Variants in NFAM1 observed in about 807,000 individuals in gnomAD.
The protein encoded by NFAM1 is NFAT activating protein with ITAM motif 1.
In NFAM1, 17 loss-of-function variants were observed where a neutral mutation model predicts 29.0. The ratio of observed to expected loss-of-function variants is 0.59; its 90% CI spans 0.40 to 0.88. The LOEUF (loss-of-function observed/expected upper bound fraction) is 0.88. Among genes scored for constraint, NFAM1 ranks in the 40% least tolerant of loss-of-function variants. The pLI is 0.00. For synonymous variants in NFAM1, 175 were observed against 147.2 expected (o/e 1.19, Z -1.36); for missense variants, 324 against 344.6 (o/e 0.94, Z 0.47).
At chr22:42,407,720 C>A (rs1193254982) in intron 3 of NFAM1, among the ~76,000 whole-genome samples, 1 of 151,984 alleles carries the variant, frequency 6.6e-6, no homozygotes, top group Non-Finnish European at 1.5e-5. Flanking sequence ...TTCCAAGTAG[C>A]CCAGGACCAC....
chr22:42,420,077 C>T (rs1930397597), intron 1 of NFAM1, among the ~76,000 whole-genome samples: 1 of 135,660 alleles, frequency 7.4e-6, no homozygotes, highest in African/African-American at 2.7e-5. Context: ...ATGGCACGAT[C>T]TCGGCTCACT....
upstream of NFAM1, among the ~76,000 whole-genome samples, chr22:42,435,815 CTTTTT>C (rs890914167): frequency 3.2e-5 from 3 of 94,248 alleles, no homozygotes; most frequent in African/African-American, 1.7e-4. Flanking sequence ...TTTTCTTCTT[CTTTTT>C]TTTTTTTTTT....
At chr22:42,416,154 C>A (rs1038815696) in intron 1 of NFAM1, among the ~76,000 whole-genome samples, 1 of 152,206 alleles carries the variant, frequency 6.6e-6, no homozygotes, top group African/African-American at 2.4e-5. Flanking sequence ...CGATCCTAGG[C>A]GGCAACTATT....
chr22:42,412,784 C>T (rs879557), intron 1 of NFAM1, among the ~76,000 whole-genome samples: 11,043 of 152,176 alleles, frequency 0.073, 1,138 homozygotes, highest in African/African-American at 0.23. Context: ...AGGTTTTTTA[C>T]AGTATAACAG....
chr22:42,411,326 C>G, intron 2 of NFAM1, 81 bp downstream of exon 2: 1 of 1,146,494 alleles, frequency 8.7e-7, no homozygotes, highest in Non-Finnish European at 1.3e-6. Flanking sequence ...GCCCCATTCT[C>G]TATTTCCGAT....
chr22:42,399,400 T>C (rs1209895895), intron 3 of NFAM1, among the ~76,000 whole-genome samples: 25 of 134,690 alleles, frequency 1.9e-4, no homozygotes, highest in Non-Finnish European at 2.5e-4. Flanking sequence ...TAAATCGAGA[T>C]CACACCATTG....
At chr22:42,426,483 C>T (rs959425827) in intron 1 of NFAM1, among the ~76,000 whole-genome samples, 5 of 152,204 alleles carry the variant, frequency 3.3e-5, no homozygotes, top group Non-Finnish European at 7.4e-5. Flanking sequence ...AGACCCTCAG[C>T]AGCCAAGCAC....
At position 42,388,462 on chromosome 22, in the gene NFAM1, G is replaced by C. The variant is rs903892639; in HGVS notation, c.664-1384C>G. Among the ~76,000 whole-genome samples the C allele has an allele frequency of 5.9e-5, 9 of 152,152 alleles. No individual in the cohort carries two copies. Among genetic ancestry groups the C allele is most frequent in the Non-Finnish European group, 1.2e-4 (8 of 68,030 alleles). On this transcript the variant is annotated intron_variant, in intron 4 of 5. Coordinates refer to ENST00000329021, the MANE Select transcript of NFAM1 (RefSeq NM_145912.8). The surrounding 1 kb of genome is among the most constrained non-coding windows in gnomAD (Gnocchi z 4.1). ...CCAGACCCTCCCTCAGAACCTGTTGGACTCCGGAGCAGAGCCCACCAACAG... is the reference window on the plus strand; with the variant it reads ...CCAGACCCTCCCTCAGAACCTGTTGCACTCCGGAGCAGAGCCCACCAACAG...
chr22:42,435,476 T>C (rs1183893986), upstream of NFAM1, among the ~76,000 whole-genome samples: 1 of 151,698 alleles, frequency 6.6e-6, no homozygotes, highest in Non-Finnish European at 1.5e-5. Flanking sequence ...GCCTCCCGAG[T>C]AGCTGGGATT....
chr22:42,392,691 C>T (rs1380978285), intron 4 of NFAM1, among the ~76,000 whole-genome samples: 7 of 152,018 alleles, frequency 4.6e-5, no homozygotes, highest in African/African-American at 4.8e-5. Flanking sequence ...AGTAGCAGAC[C>T]CAGTAAGCAA....
intron 4 of NFAM1, among the ~76,000 whole-genome samples, chr22:42,394,395 A>G (rs1929450815): frequency 6.6e-6 from 1 of 151,534 alleles, no homozygotes; most frequent in Admixed American, 6.6e-5. Flanking sequence ...GGGTCTTGCT[A>G]TGTTGCCAAG....
At chr22:42,398,144 C>T (rs1929595555) in intron 3 of NFAM1, among the ~76,000 whole-genome samples, 188 bp from the exon 4 acceptor site, 1 of 152,240 alleles carries the variant, frequency 6.6e-6, no homozygotes, top group Non-Finnish European at 1.5e-5. Flanking sequence ...GCCATTCCTG[C>T]ACCTGGAGAC....
Position 42,385,166 on chromosome 22 carries a change from G to T in NFAM1, c.808C>A (p.Leu270Ile). 1 of 1,612,724 alleles carries T rather than the reference G, an allele frequency of 6.2e-7. No homozygotes were observed. Among genetic ancestry groups the T allele is most frequent in the Non-Finnish European group, 8.5e-7 (1 of 1,178,740 alleles). ...TATGAGCGGTGGAGCCCATCCTAGAGATTTTCATAGACCAGGTTAAGTTCG... is the reference window on the plus strand; with the variant it reads ...TATGAGCGGTGGAGCCCATCCTAGATATTTTCATAGACCAGGTTAAGTTCG... ...DGELNLVYEN[L>I] The change falls in exon 6 of 6, where the codon CTC becomes ATC. Residue 270 changes from leucine to isoleucine, a missense_variant. Transcript: ENST00000329021.
intron 4 of NFAM1, among the ~76,000 whole-genome samples, chr22:42,393,214 GA>G (rs1569226407): frequency 6.6e-6 from 1 of 151,946 alleles, no homozygotes; most frequent in Admixed American, 6.6e-5. Context: ...CATACTGGCA[GA>G]TTTTAACTAA....
intron 1 of NFAM1, among the ~76,000 whole-genome samples, chr22:42,416,083 A>G (rs186151083): frequency 6.6e-6 from 1 of 152,294 alleles, no homozygotes; most frequent in East Asian, 1.9e-4. Context: ...GAAAAGAAAA[A>G]TTACAGGAAT....
At chr22:42,414,641 GC>G (rs1353207405) in intron 1 of NFAM1, among the ~76,000 whole-genome samples, 2 of 151,490 alleles carry the variant, frequency 1.3e-5, no homozygotes, top group Non-Finnish European at 2.9e-5. Context: ...CACCGACCCT[GC>G]CCAGCAGCCC....
intron 3 of NFAM1, among the ~76,000 whole-genome samples, chr22:42,402,897 G>A (rs1040253824): frequency 3.5e-5 from 5 of 141,214 alleles, no homozygotes; most frequent in Non-Finnish European, 6.0e-5. Context: ...GTGCAGTAGC[G>A]CAATCCAGGC....
chr22:42,426,605 T>C (rs944614540), intron 1 of NFAM1, among the ~76,000 whole-genome samples: 4 of 152,188 alleles, frequency 2.6e-5, no homozygotes, highest in African/African-American at 2.4e-5. Context: ...CCCTCTGTTT[T>C]GGCAAAGGCG....
rs181100150 is a variant in NFAM1 at position 42,407,655 on chromosome 22, C to T, written c.564+1780G>A. Among the ~76,000 whole-genome samples, 5 of 152,258 alleles carry T rather than the reference C, an allele frequency of 3.3e-5. No homozygotes were observed. In the East Asian group the frequency reaches 9.7e-4, roughly 29 times the overall value. On this transcript the variant is annotated intron_variant, in intron 3 of 5. Transcript: ENST00000329021. Reference sequence around the variant, plus strand: ...TCAGGCTGGAGTGCAGTGGTGTGATCACAGCTCACTGCAGCTTTGACCTCC... The same window carrying T: ...TCAGGCTGGAGTGCAGTGGTGTGATTACAGCTCACTGCAGCTTTGACCTCC...
Sources: allele counts gnomAD v4.1 joint callset (sites outside exome capture counted in the v4.1 genomes callset), GRCh38; gene constraint gnomAD v4.1.1; non-coding constraint Gnocchi (gnomAD v3.1); transcripts MANE v1.5; gene names NCBI Gene and HGNC (gene_info 2026-07-23, HGNC 2026-07-21).